The following SEC24B variants were observed in gnomAD, a reference collection of about 807,000 sequenced individuals.
SEC24B encodes the protein SEC24 homolog B, COPII component.
SEC24B carries 45 observed loss-of-function variants against 142.8 expected under a neutral mutation model. The observed-to-expected ratio is 0.32, with a 90% CI of 0.25 to 0.40. The LOEUF (loss-of-function observed/expected upper bound fraction) is 0.40, where lower values mean the gene tolerates loss of function less well. SEC24B is among the 10% of genes least tolerant of loss of function. SEC24B has a pLI of 1.00. For missense variants in SEC24B, 1,409 were observed against 1,526.8 expected, an observed-to-expected ratio of 0.92 and a Z score of 1.29; for synonymous variants, 574 against 568.2, an observed-to-expected ratio of 1.01 and a Z score of -0.15.
chr4:109,451,483 T>C (rs1302794167), intron 1 of SEC24B, among the ~76,000 whole-genome samples: 1 of 152,142 alleles, frequency 6.6e-6, no homozygotes, highest in Non-Finnish European at 1.5e-5. Flanking sequence ...TACTTACTTT[T>C]GTTGCTCAGA....
chr4:109,445,547 C>T (rs569481080), intron 1 of SEC24B, among the ~76,000 whole-genome samples: 2 of 151,350 alleles, frequency 1.3e-5, no homozygotes, highest in South Asian at 2.1e-4. Context: ...CCACGGCACC[C>T]AGCCTGTTAT....
intron 14 of SEC24B, among the ~76,000 whole-genome samples, chr4:109,522,064 T>G (rs1159271481): frequency 6.7e-6 from 1 of 148,754 alleles, no homozygotes; most frequent in African/African-American, 2.5e-5. Context: ...TTTGTTTTTT[T>G]TTTTTGAGAC....
chr4:109,450,051 CAAAGT>C (rs893633822), intron 1 of SEC24B, among the ~76,000 whole-genome samples: 6 of 151,926 alleles, frequency 3.9e-5, no homozygotes, highest in Non-Finnish European at 7.4e-5. Flanking sequence ...TTTCTACAAA[CAAAGT>C]AAAATTATTA....
intron 1 of SEC24B, among the ~76,000 whole-genome samples, chr4:109,462,177 A>G (rs965567001): frequency 6.6e-6 from 1 of 151,482 alleles, no homozygotes; most frequent in Non-Finnish European, 1.5e-5. Flanking sequence ...TAGCCATCAC[A>G]CTCTATAGAG....
At position 109,463,220 on chromosome 4, in the gene SEC24B, A is replaced by C. The variant is rs567784377; in HGVS notation, c.453A>C (p.Pro151=). 5.6e-5 allele frequency: 90 copies of C among 1,614,144 alleles called. No individual in the cohort carries two copies. In the South Asian group the frequency reaches 9.0e-4, roughly 16 times the overall value. ...ATTTGCATACGAGTGCCTCCCAACCATACTCCTCTTTTGTGAATCACTACA... is the reference window on the plus strand; with the variant it reads ...ATTTGCATACGAGTGCCTCCCAACCCTACTCCTCTTTTGTGAATCACTACA... The part of the protein sequence containing the change: ...ASHLHTSASQ[P]YSSFVNHYNS... The change falls in exon 2 of 24, where the codon CCA becomes CCC. Residue 151 remains proline (P), a synonymous_variant. Coordinates refer to ENST00000265175, the MANE Select transcript of SEC24B (RefSeq NM_006323.5).
chr4:109,477,941 A>G (rs986925290), intron 3 of SEC24B, among the ~76,000 whole-genome samples: 1 of 152,198 alleles, frequency 6.6e-6, no homozygotes, highest in African/African-American at 2.4e-5. Flanking sequence ...TTTAGTGAGT[A>G]TGTTTTAAAA....
intron 2 of SEC24B, among the ~76,000 whole-genome samples, chr4:109,471,380 A>G (rs1578830032): frequency 6.6e-6 from 1 of 152,174 alleles, no homozygotes; most frequent in Middle Eastern, 3.2e-3. Flanking sequence ...CCTGGGCTCA[A>G]GCAATCTGCC....
intron 2 of SEC24B, among the ~76,000 whole-genome samples, chr4:109,470,392 T>C (rs1732388203): frequency 1.3e-5 from 2 of 152,260 alleles, no homozygotes; most frequent in South Asian, 4.1e-4. Flanking sequence ...GTCTGTAGAC[T>C]ACACTTTGAG....
rs529530079 is a variant in SEC24B, at chr4:109,480,629, C to T, written c.1061-1048C>T. 2.4e-3 allele frequency among the ~76,000 whole-genome samples: 372 copies of T among 151,934 alleles called. 2 individuals carry two copies. The highest frequency in any genetic ancestry group is 8.5e-3 in the African/African-American group (352 of 41,436). On this transcript the variant is annotated intron_variant, in intron 3 of 23. Coordinates refer to ENST00000265175, the MANE Select transcript of SEC24B (RefSeq NM_006323.5). ...CCAAGTAGCTGGGACTACAGGCGTGCGCCACCACGCCCAGCTAATTTTTGT... is the reference window on the plus strand; with the variant it reads ...CCAAGTAGCTGGGACTACAGGCGTGTGCCACCACGCCCAGCTAATTTTTGT...
chr4:109,450,586 G>T lies in SEC24B; in HGVS notation c.134-12315G>T, dbSNP rs1396453265. ...GGCAGGAGAATTGCTTGAACCCAGGGGGTGGAGGTTGCAGTGAGCCAAGAT... is the reference window on the plus strand; with the variant it reads ...GGCAGGAGAATTGCTTGAACCCAGGTGGTGGAGGTTGCAGTGAGCCAAGAT... On this transcript the variant is annotated intron_variant, in intron 1 of 23. Transcript: ENST00000265175. 1.5e-4 allele frequency among the ~76,000 whole-genome samples: 22 copies of T among 150,780 alleles called. 1 individual carries two copies. Among genetic ancestry groups the T allele is most frequent in the South Asian group, 4.2e-4 (2 of 4,772 alleles).
At chr4:109,503,150 C>T (rs1736331834) in intron 6 of SEC24B, among the ~76,000 whole-genome samples, 1 of 150,400 alleles carries the variant, frequency 6.6e-6, no homozygotes, top group African/African-American at 2.4e-5. Context: ...ACCTCTGCCT[C>T]CCAGATTCAA....
chr4:109,464,281 G>A (rs1333293913), intron 2 of SEC24B, among the ~76,000 whole-genome samples: 2 of 151,408 alleles, frequency 1.3e-5, no homozygotes, highest in African/African-American at 2.4e-5. Flanking sequence ...ATGTATGTAA[G>A]ACGTGGCTTG....
At chr4:109,466,666 T>A (rs1463992505) in intron 2 of SEC24B, among the ~76,000 whole-genome samples, 2 of 152,202 alleles carry the variant, frequency 1.3e-5, no homozygotes, top group Non-Finnish European at 2.9e-5. Flanking sequence ...CGCCTTGGCC[T>A]CCCAAAGTGC....
In SEC24B at chr4:109,525,449, G is replaced by T. The variant is rs532314398; in HGVS notation, c.2736G>T (p.Arg912=). The T allele has an allele frequency of 3.7e-6, 6 of 1,611,358 alleles. No individual in the cohort carries two copies. The East Asian group carries it at 1.1e-4, about 30-fold the overall frequency. ...QAEKLQKDLK[R]YLTRKIGFEA... ...AAAAGTTACAAAAAGACCTAAAACGGTATCTCACAAGAAAAATTGGGTTTG... is the reference window on the plus strand; with the variant it reads ...AAAAGTTACAAAAAGACCTAAAACGTTATCTCACAAGAAAAATTGGGTTTG... Residue 912 remains arginine, a synonymous_variant, in exon 16 of 24, where the codon CGG becomes CGT. Coordinates refer to ENST00000265175, the MANE Select transcript of SEC24B (RefSeq NM_006323.5).
chr4:109,451,327 C>T (rs1730062017), intron 1 of SEC24B, among the ~76,000 whole-genome samples: 1 of 151,374 alleles, frequency 6.6e-6, no homozygotes, highest in South Asian at 2.1e-4. Context: ...AAGCGATCCT[C>T]TCAAGTAGCT....
At position 109,508,379 on chromosome 4, in the gene SEC24B, A is replaced by G. The variant is rs567739994; in HGVS notation, c.1674-1630A>G. Among the ~76,000 whole-genome samples the G allele has an allele frequency of 1.8e-4, 28 of 152,216 alleles. 1 individual carries two copies. The highest frequency in any genetic ancestry group is 5.5e-4 in the African/African-American group (23 of 41,536). ...CAGGAGTTTGTGACCAGCCTGGACA[A>G]CATGGCGAAACCCCTTCTCCTCCAA... On this transcript the variant is annotated intron_variant, in intron 7 of 23. Transcript: ENST00000265175.
intron 1 of SEC24B, among the ~76,000 whole-genome samples, chr4:109,457,677 A>G (rs950106658): frequency 1.3e-5 from 2 of 152,042 alleles, no homozygotes; most frequent in Admixed American, 6.5e-5. Context: ...CTGTAGGCTC[A>G]TAGGGGAGTA....
rs1464998309 is a variant in SEC24B, at chr4:109,460,665, T to C, written c.134-2236T>C. ...CATCTTGACTTTTGTGGCTCACTTA[T>C]TGATAAATGGGTATAATAATACTAT... On this transcript the variant is annotated intron_variant, in intron 1 of 23. Transcript: ENST00000265175. Among the ~76,000 whole-genome samples, 4 of 151,974 alleles carry C rather than the reference T, an allele frequency of 2.6e-5. No individual in the cohort carries two copies. The South Asian group carries it at 6.2e-4, about 24-fold the overall frequency.
rs1167166273 is a variant in SEC24B at position 109,532,629 on chromosome 4, T to C, written c.3391-10T>C. 6.2e-7 allele frequency: 1 copy of C among 1,605,662 alleles called. No individual in the cohort carries two copies. The highest frequency in any genetic ancestry group is 2.2e-5 in the East Asian group (1 of 44,832). On this transcript the variant is annotated splice_polypyrimidine_tract_variant and intron_variant, in intron 20 of 23. Transcript: ENST00000265175. ...GTAATCTCATTCACATTCTCTCTTT[T>C]TCTTTTCAGGGTGCAGTACATGTTA...
Sources: allele counts gnomAD v4.1 joint callset (sites outside exome capture counted in the v4.1 genomes callset), GRCh38; gene constraint gnomAD v4.1.1; transcripts MANE v1.5; gene names NCBI Gene and HGNC (gene_info 2026-07-23, HGNC 2026-07-21).